OR2C1: variants seen among roughly 807,000 people sequenced by gnomAD.
OR2C1 encodes olfactory receptor 2C1.
For missense variants in OR2C1, 468 were observed against 388.3 expected (o/e 1.21, Z -1.73); for synonymous variants, 209 against 167.3 (o/e 1.25, Z -1.92).
chr16:3,356,337 A>C lies in OR2C1; in HGVS notation c.397A>C (p.Thr133Pro). ...YVAVCRPLRYTAIMNPQLCWL... is the reference protein window; with the variant it reads ...YVAVCRPLRYPAIMNPQLCWL... Reference sequence around the variant, plus strand: ...GGCAGTGTGCCGGCCCCTCCGCTACACCGCCATCATGAACCCCCAGCTCTG... The same window carrying C: ...GGCAGTGTGCCGGCCCCTCCGCTACCCCGCCATCATGAACCCCCAGCTCTG... Residue 133 changes from threonine to proline, a missense_variant, in exon 1 of 1, where the codon ACC becomes CCC. Coordinates refer to ENST00000304936, the MANE Select transcript of OR2C1 (RefSeq NM_012368.3). 6.2e-7 allele frequency: 1 copy of C among 1,613,386 alleles called. No homozygotes were observed. Among genetic ancestry groups the C allele is most frequent in the East Asian group, 2.2e-5 (1 of 44,884 alleles).
chr16:3,357,936 G>A (rs553814399), downstream of OR2C1, among the ~76,000 whole-genome samples: 61 of 152,064 alleles, frequency 4.0e-4, no homozygotes, highest in Admixed American at 2.0e-3. Context: ...AGCTGAGATC[G>A]TGCCATTGCA....
At chr16:3,334,959 T>C in the OR2C1 span, among the ~76,000 whole-genome samples, 2 of 151,898 alleles carry the variant, frequency 1.3e-5, no homozygotes, top group South Asian at 4.2e-4. Flanking sequence ...GCTGGGATTA[T>C]AGGTGTGTGC....
At chr16:3,342,694 A>G in the OR2C1 span, among the ~76,000 whole-genome samples, 2 of 152,176 alleles carry the variant, frequency 1.3e-5, no homozygotes, top group Non-Finnish European at 2.9e-5. Flanking sequence ...CCTGGCCAAC[A>G]TGGTGAAACC....
chr16:3,323,235 G>C, the OR2C1 span: 1 of 767,736 alleles, frequency 1.3e-6, no homozygotes, highest in East Asian at 2.5e-5. Context: ...CCAATAGCCA[G>C]ATGTGCCCAT....
In OR2C1 at chr16:3,356,071, C is replaced by G. The variant is rs774790830; in HGVS notation, c.131C>G (p.Thr44Ser). The G allele has an allele frequency of 3.1e-6, 5 of 1,614,044 alleles. No individual in the cohort carries two copies. In the African/African-American group the frequency reaches 6.7e-5, roughly 22 times the overall value. ...SYLLTLLGNS[T>S]IILLSRLEAR... is the part of the protein sequence containing the mutation. ...TTGCTGACCCTACTTGGGAACTCAA[C>G]CATCATCTTGCTTTCCCGCCTGGAG... The change falls in exon 1 of 1, where the codon ACC becomes AGC. Residue 44 changes from threonine to serine, a missense_variant. Thr to Ser is a moderately conservative substitution (Grantham distance 58). Transcript: ENST00000304936.
chr16:3,347,852 GCACA>G, the OR2C1 span, among the ~76,000 whole-genome samples: 29 of 8,908 alleles, frequency 3.3e-3, no homozygotes, highest in East Asian at 0.11. Flanking sequence ...ACATGCACAC[GCACA>G]CACGCGCACA....
the OR2C1 span, chr16:3,322,950 G>A: frequency 1.5e-5 from 15 of 985,002 alleles, no homozygotes; most frequent in South Asian, 9.4e-5. Context: ...TACTTCCGCC[G>A]ACAAGGAGGC....
the OR2C1 span, among the ~76,000 whole-genome samples, chr16:3,343,890 A>G: frequency 4.6e-5 from 7 of 152,242 alleles, no homozygotes; most frequent in East Asian, 1.9e-4. Context: ...TCTAATTTCT[A>G]TAACTGGCAA....
chr16:3,325,462 T>TCC, the OR2C1 span, among the ~76,000 whole-genome samples: 3 of 4,326 alleles, frequency 6.9e-4, no homozygotes, highest in African/African-American at 2.3e-3. Context: ...TGTCTAAAAA[T>TCC]ATATATATAT....
At chr16:3,336,957 C>G in the OR2C1 span, among the ~76,000 whole-genome samples, 2 of 151,964 alleles carry the variant, frequency 1.3e-5, no homozygotes, top group Non-Finnish European at 2.9e-5. Flanking sequence ...ATCCGCCCAT[C>G]TTGGCCTCCC....
At chr16:3,328,812 C>G in the OR2C1 span, among the ~76,000 whole-genome samples, 1 of 152,072 alleles carries the variant, frequency 6.6e-6, no homozygotes, top group South Asian at 2.1e-4. Flanking sequence ...AGAGTGTTGC[C>G]AGAAGTACTA....
At chr16:3,337,181 GGCTTGCTCTGTCTCC>G in the OR2C1 span, among the ~76,000 whole-genome samples, 1 of 143,156 alleles carries the variant, frequency 7.0e-6, no homozygotes, top group African/African-American at 2.6e-5. Context: ...TGGAGACAGA[GGCTTGCTCTGTCTCC>G]CAGGCTGGAG....
chr16:3,334,222 C>G, the OR2C1 span, among the ~76,000 whole-genome samples: 1 of 151,554 alleles, frequency 6.6e-6, no homozygotes, highest in Non-Finnish European at 1.5e-5. Flanking sequence ...ACTGCAACTT[C>G]CGCCTCCCGG....
In OR2C1 at chr16:3,356,878, G is replaced by C. The variant is rs575723206; in HGVS notation, c.938G>C (p.Ter313SerextTer30). Residue 313 changes from the stop codon to serine (S), a stop_lost, in exon 1 of 1, where the codon TGA becomes TCA. Transcript: ENST00000304936. ...CTGGGGAAAGGAAGAGAAGTTGGCT[G>C]AGAGAACACTCCTTCGTTATTTATT... is the stretch of plus-strand genomic sequence containing the variant. ...RLLGKGREVG[*>S] The C allele has an allele frequency of 6.3e-7, 1 of 1,576,214 alleles. No individual in the cohort carries two copies. Among genetic ancestry groups the C allele is most frequent in the East Asian group, 2.3e-5 (1 of 44,178 alleles).
At chr16:3,345,039 C>T in the OR2C1 span, among the ~76,000 whole-genome samples, 1 of 151,902 alleles carries the variant, frequency 6.6e-6, no homozygotes, top group Non-Finnish European at 1.5e-5. Context: ...TATGTTCATC[C>T]CTAGTGTAAT....
the OR2C1 span, among the ~76,000 whole-genome samples, chr16:3,346,753 C>T: frequency 6.6e-6 from 1 of 150,998 alleles, no homozygotes; most frequent in Non-Finnish European, 1.5e-5. Flanking sequence ...CCTCAGCCTC[C>T]TGAGCAGCTG....
At chr16:3,351,234 T>C (rs1200027984), upstream of OR2C1, among the ~76,000 whole-genome samples, 4 of 109,220 alleles carry the variant, frequency 3.7e-5, 1 homozygote, top group Non-Finnish European at 7.6e-5. Context: ...TTCTTTTTTT[T>C]TTTTTTTTTT....
chr16:3,333,211 ATTTTTTTTTTTTTTTTTTT>A, the OR2C1 span, among the ~76,000 whole-genome samples: 1,257 of 65,930 alleles, frequency 0.019, 49 homozygotes, highest in African/African-American at 0.07. Flanking sequence ...TCTTTTGCCC[ATTTTTTTTTTTTTTTTTTT>A]TTTTTTTTTT....
At chr16:3,344,019 G>A in the OR2C1 span, among the ~76,000 whole-genome samples, 2 of 152,220 alleles carry the variant, frequency 1.3e-5, no homozygotes, top group African/African-American at 4.8e-5. Flanking sequence ...AGGAGTTTGA[G>A]ACCAGCCAGG....
Sources: gnomAD v4.1 joint callset for allele counts (sites outside exome capture counted in the v4.1 genomes callset) on GRCh38, gnomAD v4.1.1 for gene constraint, MANE v1.5 for transcripts, NCBI Gene and HGNC (gene_info 2026-07-23, HGNC 2026-07-21) for gene names.